PRTG: variants seen among roughly 807,000 people sequenced by gnomAD.
PRTG encodes the protein immunoglobulin superfamily, DCC subclass, member 5.
In PRTG, 67 loss-of-function variants were observed where a neutral mutation model predicts 122.5. The ratio of observed to expected loss-of-function variants is 0.55; its 90% CI spans 0.45 to 0.67. The LOEUF is 0.67. Ranked by LOEUF, PRTG falls within the 30% of genes least tolerant of loss-of-function variation. The pLI, the probability that PRTG is intolerant of heterozygous loss-of-function variation, is 0.00. For synonymous variants in PRTG, 554 were observed against 501.1 expected (o/e 1.11, Z -1.41); for missense variants, 1,435 against 1,415.4 (o/e 1.01, Z -0.22).
At chr15:55,738,910 A>C (rs1595689536) in intron 2 of PRTG, among the ~76,000 whole-genome samples, 1 of 95,720 alleles carries the variant, frequency 1.0e-5, no homozygotes, top group African/African-American at 4.2e-5. Flanking sequence ...GGGGAAGGGA[A>C]GGGGGAGGGA....
At chr15:55,708,222 T>G (rs904452294) in intron 2 of PRTG, among the ~76,000 whole-genome samples, 1 of 93,332 alleles carries the variant, frequency 1.1e-5, no homozygotes, top group Non-Finnish European at 2.3e-5. Context: ...GAGAAAAAAA[T>G]GGAATGGAAC....
At chr15:55,737,707 G>C (rs1344121376) in intron 2 of PRTG, among the ~76,000 whole-genome samples, 4 of 152,032 alleles carry the variant, frequency 2.6e-5, no homozygotes, top group South Asian at 2.1e-4. Flanking sequence ...TTCTTGCCTA[G>C]AGTGCAACTT....
At chr15:55,736,685 A>C (rs1372860641) in intron 2 of PRTG, among the ~76,000 whole-genome samples, 2 of 152,198 alleles carry the variant, frequency 1.3e-5, no homozygotes, top group Non-Finnish European at 2.9e-5. Context: ...TGGTTAAAAA[A>C]TCATAAAGTT....
intron 2 of PRTG, among the ~76,000 whole-genome samples, chr15:55,728,807 G>A (rs2031131030): frequency 6.6e-6 from 1 of 152,110 alleles, no homozygotes; most frequent in Admixed American, 6.5e-5. Context: ...AAATAAAGCT[G>A]TATCACTCAT....
At chr15:55,625,420 A>C (rs942814147) in intron 17 of PRTG, among the ~76,000 whole-genome samples, 2 of 152,078 alleles carry the variant, frequency 1.3e-5, no homozygotes, top group African/African-American at 4.8e-5. Flanking sequence ...AGTAAGAAAA[A>C]GCAATCTTCT....
intron 11 of PRTG, among the ~76,000 whole-genome samples, chr15:55,651,556 T>C (rs1380174959): frequency 6.6e-6 from 1 of 152,162 alleles, no homozygotes; most frequent in East Asian, 1.9e-4. Context: ...GTAAAACCGA[T>C]GGACATCAAA....
At chr15:55,681,097 C>A (rs1175014195) in intron 4 of PRTG, among the ~76,000 whole-genome samples, 1 of 152,014 alleles carries the variant, frequency 6.6e-6, no homozygotes, top group Non-Finnish European at 1.5e-5. Context: ...TTATATTGAG[C>A]AATATATATC....
chr15:55,698,530 A>T (rs888190151), intron 2 of PRTG, among the ~76,000 whole-genome samples: 18 of 152,084 alleles, frequency 1.2e-4, no homozygotes, highest in African/African-American at 4.1e-4. Context: ...AGATCATGCA[A>T]TCCTCCTGCC....
chr15:55,728,307 G>C (rs2031109446), intron 2 of PRTG, among the ~76,000 whole-genome samples: 1 of 152,152 alleles, frequency 6.6e-6, no homozygotes, highest in Non-Finnish European at 1.5e-5. Context: ...AAGCCAGACA[G>C]ATAATCACAA....
intron 11 of PRTG, among the ~76,000 whole-genome samples, chr15:55,660,059 T>C (rs570212564): frequency 2.0e-5 from 3 of 152,344 alleles, no homozygotes; most frequent in African/African-American, 7.2e-5. Flanking sequence ...TATCTTCATT[T>C]ATTTATAACA....
chr15:55,740,849 A>C (rs1324853646), intron 1 of PRTG, among the ~76,000 whole-genome samples, 165 bp from the exon 2 acceptor site: 4 of 152,230 alleles, frequency 2.6e-5, no homozygotes, highest in African/African-American at 9.6e-5. Context: ...AATTTCAGCA[A>C]ACTCTTTCAA....
intron 2 of PRTG, among the ~76,000 whole-genome samples, chr15:55,713,186 AC>A (rs1178107253): frequency 6.6e-6 from 1 of 152,222 alleles, no homozygotes; most frequent in African/African-American, 2.4e-5. Flanking sequence ...CTATGTATTC[AC>A]AAACAAAATA....
In PRTG at chr15:55,743,071, G is replaced by A; in HGVS notation, c.-140C>T. ...TCCGGCTCCGGCACCGGCGTGGCGAGCGTCTCTGCGGCGGCGAGGCTGGTG... is the reference window on the plus strand; with the variant it reads ...TCCGGCTCCGGCACCGGCGTGGCGAACGTCTCTGCGGCGGCGAGGCTGGTG... On this transcript the variant is annotated 5_prime_UTR_variant, in exon 1 of 20. Transcript: ENST00000389286. The A allele has an allele frequency of 1.2e-5, 16 of 1,300,678 alleles. No individual in the cohort carries two copies. The highest frequency in any genetic ancestry group is 1.6e-5 in the Non-Finnish European group (16 of 1,029,450). The allele number at this position is 1,300,678 out of a possible 1,614,324, so 80.6% of individuals were successfully genotyped here.
At chr15:55,644,742 A>G (rs118188386) in intron 11 of PRTG, among the ~76,000 whole-genome samples, 1,590 of 152,216 alleles carry the variant, frequency 0.01, 20 homozygotes, top group South Asian at 0.014. Context: ...CAGGCGTACA[A>G]GATCCTTTCT....
chr15:55,645,967 C>G (rs2059320293), intron 11 of PRTG, among the ~76,000 whole-genome samples: 2 of 152,070 alleles, frequency 1.3e-5, no homozygotes, highest in African/African-American at 4.8e-5. Context: ...GTTCAAAACT[C>G]AACACAAGGT....
intron 11 of PRTG, among the ~76,000 whole-genome samples, chr15:55,656,518 T>C (rs2059381110): frequency 6.6e-6 from 1 of 152,218 alleles, no homozygotes; most frequent in South Asian, 2.1e-4. Context: ...TGTAATTTTT[T>C]CTTTTTTGAG....
intron 15 of PRTG, among the ~76,000 whole-genome samples, chr15:55,636,317 G>T (rs2059257588): frequency 6.6e-6 from 1 of 150,444 alleles, no homozygotes; most frequent in African/African-American, 2.4e-5. Flanking sequence ...TTTCATATGT[G>T]GACCATTTTA....
At chr15:55,717,741 C>T (rs530707436) in intron 2 of PRTG, among the ~76,000 whole-genome samples, 1 of 152,306 alleles carries the variant, frequency 6.6e-6, no homozygotes, top group South Asian at 2.1e-4. Context: ...CATAATTTCA[C>T]TATCATACAT....
At chr15:55,630,521 T>C (rs1375874261) in intron 15 of PRTG, among the ~76,000 whole-genome samples, 2 of 152,178 alleles carry the variant, frequency 1.3e-5, no homozygotes, top group African/African-American at 2.4e-5. Flanking sequence ...GATTAAACTA[T>C]CAAAATCACC....
Sources: allele counts gnomAD v4.1 joint callset (sites outside exome capture counted in the v4.1 genomes callset), GRCh38; gene constraint gnomAD v4.1.1; transcripts MANE v1.5; gene names NCBI Gene and HGNC (gene_info 2026-07-23, HGNC 2026-07-21).